The following METAP2 variants were observed in gnomAD, a reference collection of about 807,000 sequenced individuals.
METAP2 encodes the protein methionyl aminopeptidase 2.
In METAP2, 25 loss-of-function variants were observed where a neutral mutation model predicts 59.4. That is an observed-to-expected ratio of 0.42 (90% CI 0.31 to 0.59). METAP2 has a LOEUF of 0.59. Ranked by LOEUF, METAP2 falls within the 20% of genes least tolerant of loss-of-function variation. The pLI, the probability that METAP2 is intolerant of heterozygous loss-of-function variation, is 0.16. For synonymous variants in METAP2, 214 were observed against 194.1 expected, an observed-to-expected ratio of 1.10 and a Z score of -0.85; for missense variants, 366 against 581.2, an observed-to-expected ratio of 0.63 and a Z score of 3.81.
Position 95,474,164 on chromosome 12 carries a change from C to A in METAP2, c.-16C>A, listed in dbSNP as rs1384139415. ...CTCGCCGCTCTGTCTCATTCCCTCG[C>A]GCTCTCTCGGGCAACATGGCGGGTG... On this transcript the variant is annotated 5_prime_UTR_variant, in exon 1 of 11. Coordinates refer to ENST00000323666, the MANE Select transcript of METAP2 (RefSeq NM_006838.4). The A allele has an allele frequency of 6.2e-7, 1 of 1,612,888 alleles. No homozygotes were observed. The highest frequency in any genetic ancestry group is 1.7e-5 in the Admixed American group (1 of 59,824).
chr12:95,481,055 C>T (rs2076154984), intron 2 of METAP2, among the ~76,000 whole-genome samples: 1 of 152,142 alleles, frequency 6.6e-6, no homozygotes, highest in Admixed American at 6.5e-5. Flanking sequence ...AAGCTTGAGA[C>T]TCTTTTTTTT....
At chr12:95,477,149 G>T (rs1489010852) in intron 2 of METAP2, among the ~76,000 whole-genome samples, 1 of 152,018 alleles carries the variant, frequency 6.6e-6, no homozygotes, top group Non-Finnish European at 1.5e-5. Flanking sequence ...TGTCGCACAG[G>T]CTGGAGTGCA....
At chr12:95,485,050 ATGTT>A (rs1210767468) in intron 3 of METAP2, among the ~76,000 whole-genome samples, 3 of 152,236 alleles carry the variant, frequency 2.0e-5, no homozygotes, top group Admixed American at 6.5e-5. Context: ...AAAATTATAA[ATGTT>A]AGTTAATGAT....
At chr12:95,490,243 A>C (rs1308187204) in intron 4 of METAP2, among the ~76,000 whole-genome samples, 1 of 150,480 alleles carries the variant, frequency 6.6e-6, no homozygotes, top group Non-Finnish European at 1.5e-5. Flanking sequence ...TTGGGATTAC[A>C]GGCGTGTGCC....
intron 2 of METAP2, among the ~76,000 whole-genome samples, 175 bp downstream of exon 2, chr12:95,476,353 A>G (rs941235478): frequency 2.0e-5 from 3 of 149,816 alleles, no homozygotes; most frequent in Admixed American, 6.7e-5. Flanking sequence ...CTAAAAAGAC[A>G]AAAAAAAATT....
In METAP2 at chr12:95,511,935, A is replaced by G; in HGVS notation, c.1005A>G (p.Gln335=). 1.2e-6 allele frequency: 2 copies of G among 1,613,698 alleles called. No homozygotes were observed. Among genetic ancestry groups the G allele is most frequent in the Non-Finnish European group, 1.7e-6 (2 of 1,179,724 alleles). The change falls in exon 9 of 11, where the codon CAA becomes CAG. Residue 335 remains glutamine (Q), a synonymous_variant. Coordinates refer to ENST00000323666, the MANE Select transcript of METAP2 (RefSeq NM_006838.4). ...ATCTAAATGGACATTCAATTGGGCA[A>G]TATAGAATACATGCTGGAAAAACAG... ...IRNLNGHSIG[Q]YRIHAGKTVP... is the part of the protein sequence containing the mutation.
At chr12:95,482,124 T>G in intron 2 of METAP2, 1 of 452,932 alleles carries the variant, frequency 2.2e-6, no homozygotes, top group Non-Finnish European at 4.4e-6. Context: ...TTGTTGTTGT[T>G]AGGATACAAG....
chr12:95,487,589 T>TG (rs1349174718), intron 4 of METAP2, among the ~76,000 whole-genome samples: 1 of 112,974 alleles, frequency 8.9e-6, no homozygotes, highest in African/African-American at 3.7e-5. Flanking sequence ...TATAATCTCT[T>TG]AATTTTTTTT....
At chr12:95,490,161 G>A (rs1165999142) in intron 4 of METAP2, among the ~76,000 whole-genome samples, 1 of 150,506 alleles carries the variant, frequency 6.6e-6, no homozygotes, top group Non-Finnish European at 1.5e-5. Context: ...GAATACAGCG[G>A]TGTGATCATA....
intron 3 of METAP2, chr12:95,484,809 T>C (rs1465740306): frequency 2.2e-6 from 1 of 451,388 alleles, no homozygotes; most frequent in Non-Finnish European, 4.4e-6. Flanking sequence ...AATAATTTTT[T>C]TTTAATGTTG....
At chr12:95,493,064 G>A (rs2076251177) in intron 4 of METAP2, among the ~76,000 whole-genome samples, 1 of 152,020 alleles carries the variant, frequency 6.6e-6, no homozygotes, top group South Asian at 2.1e-4. Flanking sequence ...GTTGCAAACT[G>A]TATATTCAGT....
At chr12:95,502,660 A>G (rs556004282) in intron 7 of METAP2, among the ~76,000 whole-genome samples, 1 of 151,894 alleles carries the variant, frequency 6.6e-6, no homozygotes, top group South Asian at 2.1e-4. Flanking sequence ...TACTTTTTCA[A>G]TTATTGTTTA....
chr12:95,477,173 G>GC (rs1555189882), intron 2 of METAP2, among the ~76,000 whole-genome samples: 3 of 151,708 alleles, frequency 2.0e-5, no homozygotes, highest in Non-Finnish European at 4.4e-5. Flanking sequence ...GCGTGATCTC[G>GC]GATCACTGCG....
chr12:95,508,081 G>A (rs1035493779), intron 8 of METAP2, among the ~76,000 whole-genome samples: 9 of 151,540 alleles, frequency 5.9e-5, no homozygotes, highest in Admixed American at 2.6e-4. Context: ...GCACCCAGCC[G>A]ATTCACATAT....
intron 8 of METAP2, among the ~76,000 whole-genome samples, chr12:95,505,796 T>C (rs2076354469): frequency 6.6e-6 from 1 of 150,668 alleles, no homozygotes; most frequent in Non-Finnish European, 1.5e-5. Context: ...TGCCCAACTC[T>C]TTTTTTAGAC....
chr12:95,487,557 T>C (rs933036813), intron 4 of METAP2, among the ~76,000 whole-genome samples: 1 of 151,840 alleles, frequency 6.6e-6, no homozygotes, highest in Non-Finnish European at 1.5e-5. Context: ...GTACATATGA[T>C]GTGATCACAT....
intron 4 of METAP2, among the ~76,000 whole-genome samples, chr12:95,492,995 A>G (rs910165323): frequency 3.3e-5 from 5 of 152,248 alleles, no homozygotes; most frequent in African/African-American, 1.2e-4. Context: ...GGAGGCAAAT[A>G]GCAATTCCTT....
At chr12:95,487,395 G>A (rs374974002) in intron 4 of METAP2, among the ~76,000 whole-genome samples, 14 of 151,886 alleles carry the variant, frequency 9.2e-5, no homozygotes, top group South Asian at 4.2e-4. Flanking sequence ...TTCCAGTTAC[G>A]AATGTTCTTA....
chr12:95,486,107 A>G (rs2076194670), intron 4 of METAP2, 126 bp downstream of exon 4: 4 of 668,210 alleles, frequency 6.0e-6, no homozygotes, highest in Non-Finnish European at 9.9e-6. Context: ...TGTCATAAAG[A>G]AGATACAGTA....
Sources: allele counts gnomAD v4.1 joint callset (sites outside exome capture counted in the v4.1 genomes callset), GRCh38; gene constraint gnomAD v4.1.1; transcripts MANE v1.5; gene names NCBI Gene and HGNC (gene_info 2026-07-23, HGNC 2026-07-21).